Variants in VRK2 observed in about 807,000 individuals in gnomAD.
The protein encoded by VRK2 is serine/threonine-protein kinase VRK2.
VRK2 carries 60 observed loss-of-function variants against 57.6 expected under a neutral mutation model. The ratio of observed to expected loss-of-function variants is 1.04; its 90% confidence interval spans 0.85 to 1.29. VRK2 has a LOEUF of 1.29. Ranked by LOEUF, VRK2 falls within the 50% of genes most tolerant of loss-of-function variation. The probability of loss-of-function intolerance (pLI) is 0.00; values close to 1 mark genes in which losing one functional copy is unlikely to be tolerated. For synonymous variants in VRK2, 231 were observed against 199.2 expected (o/e 1.16, Z -1.35); for missense variants, 705 against 588.1 (o/e 1.20, Z -2.06).
At chr2:58,117,632 C>T (rs1270829497) in intron 7 of VRK2, among the ~76,000 whole-genome samples, 1 of 152,102 alleles carries the variant, frequency 6.6e-6, no homozygotes, top group Non-Finnish European at 1.5e-5. Flanking sequence ...GGACGTCAGG[C>T]ACCTCAGACC....
intron 1 of VRK2, among the ~76,000 whole-genome samples, chr2:57,951,967 C>T (rs1281739416): frequency 1.4e-5 from 2 of 144,900 alleles, no homozygotes; most frequent in Non-Finnish European, 1.5e-5. Flanking sequence ...CACTATTGCT[C>T]AAGCTGGTGT....
At chr2:58,100,842 T>C (rs1412014410) in intron 7 of VRK2, among the ~76,000 whole-genome samples, 3 of 151,802 alleles carry the variant, frequency 2.0e-5, no homozygotes, top group Non-Finnish European at 4.4e-5. Flanking sequence ...CATCTAACTT[T>C]GTGTAATGTG....
At chr2:58,105,017 A>G (rs1057314073) in intron 7 of VRK2, among the ~76,000 whole-genome samples, 1 of 151,850 alleles carries the variant, frequency 6.6e-6, no homozygotes, top group Admixed American at 6.6e-5. Context: ...ATACAGAATA[A>G]TGAAAATGGA....
At chr2:58,108,348 G>T (rs1265518454) in intron 7 of VRK2, among the ~76,000 whole-genome samples, 1 of 151,984 alleles carries the variant, frequency 6.6e-6, no homozygotes, top group Non-Finnish European at 1.5e-5. Flanking sequence ...CTCCTAAATG[G>T]ACTCTCTGCA....
chr2:58,101,936 T>C (rs1674025999), intron 7 of VRK2, among the ~76,000 whole-genome samples: 2 of 151,660 alleles, frequency 1.3e-5, no homozygotes, highest in Non-Finnish European at 3.0e-5. Context: ...TTAAATAGAT[T>C]AATGCATAAA....
chr2:58,022,409 C>G (rs1263602612), intron 1 of VRK2, among the ~76,000 whole-genome samples: 2 of 152,158 alleles, frequency 1.3e-5, no homozygotes, highest in Non-Finnish European at 2.9e-5. Context: ...TGCCACAGTG[C>G]TGATGCTACG....
chr2:58,047,013 G>A, intron 1 of VRK2, 145 bp downstream of exon 1: 13 of 977,388 alleles, frequency 1.3e-5, no homozygotes, highest in Non-Finnish European at 1.6e-5. Context: ...CTCAGCTCCG[G>A]CCCGGGCAGA....
chr2:57,969,604 C>CT (rs1672029513), intron 1 of VRK2, among the ~76,000 whole-genome samples: 1 of 151,868 alleles, frequency 6.6e-6, no homozygotes, highest in Admixed American at 6.6e-5. Context: ...ATGAATTAAA[C>CT]TTTATTTCAA....
intron 1 of VRK2, among the ~76,000 whole-genome samples, chr2:57,945,959 C>T (rs75333255): frequency 2.1e-4 from 32 of 151,992 alleles, no homozygotes; most frequent in East Asian, 1.7e-3. Context: ...CCAACTTAAC[C>T]GGAGCAAAAG....
intron 2 of VRK2, among the ~76,000 whole-genome samples, chr2:58,074,266 T>C (rs1310577638): frequency 2.0e-5 from 3 of 152,178 alleles, no homozygotes; most frequent in Admixed American, 2.0e-4. Flanking sequence ...TTAATTGGTG[T>C]ATTTAGATCA....
chr2:57,940,041 A>T (rs1371408400), intron 1 of VRK2, among the ~76,000 whole-genome samples: 1 of 152,190 alleles, frequency 6.6e-6, no homozygotes. Context: ...GATATCTTAT[A>T]CTTTCATAAA....
chr2:58,097,360 T>C (rs777676496), intron 7 of VRK2, among the ~76,000 whole-genome samples: 3 of 152,082 alleles, frequency 2.0e-5, no homozygotes, highest in Non-Finnish European at 2.9e-5. Flanking sequence ...TGTCACTATA[T>C]TTGTTGTGTT....
chr2:58,081,919 A>G (rs1212262665), intron 2 of VRK2, among the ~76,000 whole-genome samples: 2 of 149,414 alleles, frequency 1.3e-5, no homozygotes, highest in Admixed American at 1.3e-4. Context: ...TAATTTCACT[A>G]GCTATAATGG....
chr2:58,044,762 A>G (rs1172330540), upstream of VRK2, among the ~76,000 whole-genome samples: 1 of 152,232 alleles, frequency 6.6e-6, no homozygotes, highest in African/African-American at 2.4e-5. Context: ...GTTCTTGAGA[A>G]CAGCAGGCCA....
chr2:57,916,079 A>G (rs1212094797), intron 1 of VRK2, among the ~76,000 whole-genome samples: 1 of 152,098 alleles, frequency 6.6e-6, no homozygotes, highest in Non-Finnish European at 1.5e-5. Flanking sequence ...TTAGATGGAG[A>G]AATAAATACC....
At chr2:58,065,219 T>C (rs2103933905) in intron 2 of VRK2, among the ~76,000 whole-genome samples, 1 of 152,230 alleles carries the variant, frequency 6.6e-6, no homozygotes, top group Middle Eastern at 3.4e-3. Context: ...CCAACATAAT[T>C]AGGATACAGG....
At position 58,084,910 on chromosome 2, in the gene VRK2, A is replaced by G. The variant is rs770630541; in HGVS notation, c.216A>G (p.Ser72=). The change falls in exon 4 of 13, where the codon TCA becomes TCG. Residue 72 remains serine, a synonymous_variant. Transcript: ENST00000340157. Reference sequence around the variant, plus strand: ...ATCAAGAAAATGGCCCGTTATTTTCAGAACTTAAATTTTATCAGAGAGTTG... The same window carrying G: ...ATCAAGAAAATGGCCCGTTATTTTCGGAACTTAAATTTTATCAGAGAGTTG... ...VEYQENGPLF[S]ELKFYQRVAK... 2 of 1,588,462 alleles carry G rather than the reference A, an allele frequency of 1.3e-6. No homozygotes were observed. The highest frequency in any genetic ancestry group is 1.7e-6 in the Non-Finnish European group (2 of 1,168,906).
intron 1 of VRK2, among the ~76,000 whole-genome samples, chr2:58,018,286 C>G (rs2103665316): frequency 1.3e-5 from 2 of 152,252 alleles, no homozygotes; most frequent in Admixed American, 1.3e-4. Context: ...AGCCACCATG[C>G]CTGGCTGAAA....
chr2:57,968,112 C>T (rs1024123047), intron 1 of VRK2, among the ~76,000 whole-genome samples: 3 of 151,822 alleles, frequency 2.0e-5, no homozygotes, highest in African/African-American at 2.4e-5. Flanking sequence ...AATAAAACTG[C>T]GGTAGCTAAA....
Sources: allele counts gnomAD v4.1 joint callset (sites outside exome capture counted in the v4.1 genomes callset), GRCh38; gene constraint gnomAD v4.1.1; transcripts MANE v1.5; gene names NCBI Gene and HGNC (gene_info 2026-07-23, HGNC 2026-07-21).